Variants in IL1RAPL1 observed in about 807,000 individuals in gnomAD.
IL1RAPL1 encodes the protein interleukin 1 receptor accessory protein like 1.
Under a neutral mutation model 48.4 loss-of-function variants are expected in IL1RAPL1, and 3 were observed. The observed-to-expected ratio is 0.06, with a 90% confidence interval of 0.03 to 0.16. IL1RAPL1 has a LOEUF of 0.16. Ranked by LOEUF, IL1RAPL1 falls within the 10% of genes least tolerant of loss-of-function variation. The pLI, the probability that IL1RAPL1 is intolerant of heterozygous loss-of-function variation, is 1.00. For synonymous variants in IL1RAPL1, 185 were observed against 187.7 expected (o/e 0.99, Z 0.12); for missense variants, 349 against 530.6 (o/e 0.66, Z 3.36).
At chrX:28,739,700 T>G (rs1297226789) in intron 1 of IL1RAPL1, among the ~76,000 whole-genome samples, 1 of 111,400 alleles carries the variant, frequency 9.0e-6, no homozygotes, top group African/African-American at 3.3e-5. Context: ...ATACTTTCTA[T>G]AAGCTGAGGC....
chrX:29,685,870 A>G (rs1926601037), intron 6 of IL1RAPL1, among the ~76,000 whole-genome samples: 1 of 109,828 alleles, frequency 9.1e-6, no homozygotes, highest in Non-Finnish European at 1.9e-5. Flanking sequence ...CTGTAATCCC[A>G]GCTACTCAGG....
chrX:29,930,944 A>G (rs1324436194), intron 8 of IL1RAPL1, among the ~76,000 whole-genome samples: 1 of 111,991 alleles, frequency 8.9e-6, no homozygotes, highest in Non-Finnish European at 1.9e-5. Context: ...AAGCAGAGCT[A>G]TGTTATGCTA....
chrX:28,749,794 TAAGTTCTTATCTAA>T (rs1447470076), intron 1 of IL1RAPL1, among the ~76,000 whole-genome samples: 1 of 110,661 alleles, frequency 9.0e-6, no homozygotes, highest in Non-Finnish European at 1.9e-5. Flanking sequence ...CCTATATTTT[TAAGTTCTTATCTAA>T]AAAAAAATTT....
At chrX:28,796,696 C>T (rs972829429) in intron 2 of IL1RAPL1, among the ~76,000 whole-genome samples, 4 of 111,328 alleles carry the variant, frequency 3.6e-5, no homozygotes, top group South Asian at 3.9e-4. Flanking sequence ...GCTGCTTTCA[C>T]GGGCTAGTGT....
At chrX:29,024,620 G>T (rs746980143) in intron 2 of IL1RAPL1, among the ~76,000 whole-genome samples, 1 of 112,012 alleles carries the variant, frequency 8.9e-6, no homozygotes, top group African/African-American at 3.2e-5. Flanking sequence ...TTACTTAGCA[G>T]CTATATCTTA....
chrX:29,741,341 T>C (rs1003633389), intron 6 of IL1RAPL1, among the ~76,000 whole-genome samples: 1 of 111,926 alleles, frequency 8.9e-6, no homozygotes, highest in Non-Finnish European at 1.9e-5. Flanking sequence ...CCAACTAGGA[T>C]TGTGAGTCCA....
At chrX:28,729,156 C>T (rs1296826124) in intron 1 of IL1RAPL1, among the ~76,000 whole-genome samples, 1 of 111,271 alleles carries the variant, frequency 9.0e-6, no homozygotes. Context: ...CAAATAAGCT[C>T]CCAGACTGAC....
intron 2 of IL1RAPL1, among the ~76,000 whole-genome samples, chrX:29,157,572 T>C (rs1408596416): frequency 8.9e-6 from 1 of 111,754 alleles, no homozygotes; most frequent in Non-Finnish European, 1.9e-5. Flanking sequence ...TGTATTTTAA[T>C]ACATGGAATA....
chrX:29,336,235 G>A (rs867010217), intron 3 of IL1RAPL1, among the ~76,000 whole-genome samples: 18 of 73,533 alleles, frequency 2.4e-4, no homozygotes, highest in African/African-American at 7.9e-4. Context: ...TATATCATAT[G>A]TATATATACC....
At chrX:29,238,232 T>G (rs1442144245) in intron 2 of IL1RAPL1, among the ~76,000 whole-genome samples, 1 of 112,074 alleles carries the variant, frequency 8.9e-6, no homozygotes, top group Non-Finnish European at 1.9e-5. Context: ...TTCCTCTCTG[T>G]TAAGTGTTTC....
chrX:29,909,800 T>A (rs1187205841), intron 6 of IL1RAPL1, among the ~76,000 whole-genome samples: 1 of 111,987 alleles, frequency 8.9e-6, no homozygotes, highest in Non-Finnish European at 1.9e-5. Flanking sequence ...AAGGGAACGC[T>A]TATATACTGC....
chrX:29,723,545 G>A (rs920388996), intron 6 of IL1RAPL1, among the ~76,000 whole-genome samples: 18 of 112,109 alleles, frequency 1.6e-4, no homozygotes, highest in South Asian at 1.1e-3. Context: ...CACTGTGCCC[G>A]GCGTCTGCAT....
chrX:29,705,574 C>T (rs1345363250), intron 6 of IL1RAPL1, among the ~76,000 whole-genome samples: 1 of 112,335 alleles, frequency 8.9e-6, no homozygotes, highest in Non-Finnish European at 1.9e-5. Flanking sequence ...CAGGCATTTT[C>T]ATAATCCCAT....
intron 2 of IL1RAPL1, among the ~76,000 whole-genome samples, chrX:29,180,165 A>G (rs941810955): frequency 2.7e-5 from 3 of 110,047 alleles, no homozygotes; most frequent in Admixed American, 9.8e-5. Context: ...GCCATGTTAC[A>G]TTGGATAGCA....
intron 2 of IL1RAPL1, among the ~76,000 whole-genome samples, chrX:28,860,960 CAT>C (rs1370379500): frequency 3.6e-5 from 4 of 110,965 alleles, no homozygotes; most frequent in African/African-American, 6.5e-5. Flanking sequence ...AAAAGACTAT[CAT>C]ATAAATTCTG....
chrX:29,484,004 TAAAAAAAAA>T (rs144243686), intron 5 of IL1RAPL1, among the ~76,000 whole-genome samples: 1 of 91,991 alleles, frequency 1.1e-5, no homozygotes, highest in Admixed American at 1.3e-4. Context: ...AGTAGTCCAT[TAAAAAAAAA>T]AAAAAAAAAA....
chrX:29,952,845 T>C (rs1933345483), intron 9 of IL1RAPL1, among the ~76,000 whole-genome samples: 2 of 112,358 alleles, frequency 1.8e-5, no homozygotes, highest in African/African-American at 6.5e-5. Context: ...CTTCTATAGC[T>C]GAAGTTTTTA....
chrX:29,109,942 A>C (rs1427968311), intron 2 of IL1RAPL1, among the ~76,000 whole-genome samples: 3 of 112,044 alleles, frequency 2.7e-5, no homozygotes, highest in African/African-American at 6.5e-5. Flanking sequence ...TTATCCTTTT[A>C]ACGTTTCATG....
chrX:28,794,547 A>G (rs1205967635), intron 2 of IL1RAPL1, among the ~76,000 whole-genome samples: 1 of 111,663 alleles, frequency 9.0e-6, no homozygotes, highest in Admixed American at 9.5e-5. Flanking sequence ...GAGGAATTTC[A>G]TCTATATAAA....
Sources: allele counts gnomAD v4.1 joint callset (sites outside exome capture counted in the v4.1 genomes callset), GRCh38; gene constraint gnomAD v4.1.1; transcripts MANE v1.5; gene names NCBI Gene and HGNC (gene_info 2026-07-23, HGNC 2026-07-21).